Variants in TRAPPC9 observed in about 807,000 individuals in gnomAD.
The protein encoded by TRAPPC9 is trafficking protein particle complex subunit 9.
In TRAPPC9, 83 loss-of-function variants were observed where a neutral mutation model predicts 124.0. That is an observed-to-expected ratio of 0.67 (90% confidence interval 0.56 to 0.80). The LOEUF (loss-of-function observed/expected upper bound fraction) is 0.80, where lower values mean the gene tolerates loss of function less well. Among genes scored for constraint, TRAPPC9 ranks in the 30% least tolerant of loss-of-function variants. The pLI is 0.00. For synonymous variants in TRAPPC9, 638 were observed against 617.5 expected, an observed-to-expected ratio of 1.03 and a Z score of -0.49; for missense variants, 1,302 against 1,508.3, an observed-to-expected ratio of 0.86 and a Z score of 2.27.
chr8:139,948,248 A>AACACACACACACACAC (rs141771160), intron 19 of TRAPPC9, among the ~76,000 whole-genome samples: 2 of 144,620 alleles, frequency 1.4e-5, no homozygotes, highest in African/African-American at 5.3e-5. Flanking sequence ...TGGTTCATAA[A>AACACACACACACACAC]ACACACACAC....
chr8:140,021,995 A>G (rs998107004), intron 18 of TRAPPC9, among the ~76,000 whole-genome samples: 3 of 152,200 alleles, frequency 2.0e-5, no homozygotes, highest in Non-Finnish European at 4.4e-5. Context: ...CTTTACACGA[A>G]GTATGGGACT....
At chr8:139,887,504 G>A (rs532703268) in intron 20 of TRAPPC9, among the ~76,000 whole-genome samples, 8 of 152,318 alleles carry the variant, frequency 5.3e-5, no homozygotes, top group African/African-American at 9.6e-5. Context: ...GATTACAGGC[G>A]TGAGCCACAG....
rs1441500938 is a variant in TRAPPC9 at position 139,727,900 on chromosome 8, T to C, written c.*3161A>G. On this transcript the variant is annotated 3_prime_UTR_variant, in exon 23 of 23. Coordinates refer to ENST00000438773, the MANE Select transcript of TRAPPC9 (RefSeq NM_001160372.4). ...CCTGTTAAGGGTTCCAGGAGAAGAA[T>C]GGAATTTCAGGCACATGGCACAGGA... Among the ~76,000 whole-genome samples the C allele has an allele frequency of 6.6e-6, 1 of 152,000 alleles. No homozygotes were observed. Among genetic ancestry groups the C allele is most frequent in the Non-Finnish European group, 1.5e-5 (1 of 68,018 alleles).
At position 140,221,915 on chromosome 8, in the gene TRAPPC9, T is replaced by C. The variant is rs374974093; in HGVS notation, c.2432-332A>G. On this transcript the variant is annotated intron_variant, in intron 16 of 22. Coordinates refer to ENST00000438773, the MANE Select transcript of TRAPPC9 (RefSeq NM_001160372.4). ...TCAAAAACTGTGACTGTAAGGAGCA[T>C]GCCAGTTTCTGTCCTGACTATTCTA... Among the ~76,000 whole-genome samples, 30 of 152,380 alleles carry C rather than the reference T, an allele frequency of 2.0e-4. 2 individuals are homozygous for C. Among genetic ancestry groups the C allele is most frequent in the African/African-American group, 7.2e-4 (30 of 41,590 alleles).
chr8:140,323,895 TA>T (rs1000296534), intron 9 of TRAPPC9, among the ~76,000 whole-genome samples: 4 of 101,360 alleles, frequency 3.9e-5, no homozygotes, highest in African/African-American at 1.7e-4. Flanking sequence ...TTAAAAAATA[TA>T]TTTTTTTTTA....
chr8:139,943,043 G>A (rs921233926), intron 19 of TRAPPC9, among the ~76,000 whole-genome samples: 5 of 152,152 alleles, frequency 3.3e-5, no homozygotes, highest in African/African-American at 4.8e-5. Context: ...ACTGAGATTC[G>A]AGATGTCCAA....
chr8:140,357,930 G>A (rs1334085078), intron 9 of TRAPPC9, among the ~76,000 whole-genome samples: 1 of 152,138 alleles, frequency 6.6e-6, no homozygotes, highest in African/African-American at 2.4e-5. Flanking sequence ...CAGGGGCCCC[G>A]GTCAGAGCAG....
intron 17 of TRAPPC9, among the ~76,000 whole-genome samples, chr8:140,196,081 T>C (rs55955404): frequency 4.0e-5 from 6 of 149,710 alleles, no homozygotes; most frequent in South Asian, 2.1e-4. Flanking sequence ...ACACCTGTGA[T>C]ACTAAAACAC....
intron 5 of TRAPPC9, among the ~76,000 whole-genome samples, chr8:140,424,636 T>C (rs1418210419): frequency 1.5e-5 from 2 of 133,476 alleles, no homozygotes; most frequent in African/African-American, 5.7e-5. Context: ...TGAGAACCTG[T>C]CTCCAAAAAA....
At chr8:139,782,317 T>C (rs1001113563) in intron 21 of TRAPPC9, among the ~76,000 whole-genome samples, 2 of 152,090 alleles carry the variant, frequency 1.3e-5, no homozygotes, top group African/African-American at 4.8e-5. Context: ...GAAGTGGAGG[T>C]TGCAGTGAGC....
chr8:140,235,903 A>G (rs548207819), intron 16 of TRAPPC9, among the ~76,000 whole-genome samples: 17 of 152,310 alleles, frequency 1.1e-4, no homozygotes, highest in African/African-American at 3.8e-4. Context: ...ATCCAGCCAT[A>G]AAAAAGAACA....
chr8:140,011,825 C>A (rs1207950406), intron 18 of TRAPPC9, among the ~76,000 whole-genome samples: 1 of 151,726 alleles, frequency 6.6e-6, no homozygotes, highest in Non-Finnish European at 1.5e-5. Context: ...TTACAGGTGC[C>A]TGCCATCTCA....
chr8:139,881,745 T>C (rs962624214), intron 21 of TRAPPC9, among the ~76,000 whole-genome samples: 3 of 150,326 alleles, frequency 2.0e-5, no homozygotes, highest in Non-Finnish European at 4.5e-5. Context: ...AACGAGACCT[T>C]AAAACCACCT....
At chr8:140,008,955 T>C (rs1838940802) in intron 18 of TRAPPC9, among the ~76,000 whole-genome samples, 1 of 152,212 alleles carries the variant, frequency 6.6e-6, no homozygotes, top group African/African-American at 2.4e-5. Context: ...CTTGTGAATC[T>C]ATCATTGTTT....
At chr8:139,758,773 G>C (rs867236782) in intron 21 of TRAPPC9, among the ~76,000 whole-genome samples, 33 of 152,212 alleles carry the variant, frequency 2.2e-4, no homozygotes, top group African/African-American at 7.7e-4. Context: ...GAAAAGGCTG[G>C]ACAGGTAGCG....
At chr8:140,041,659 G>A (rs547919943) in intron 17 of TRAPPC9, among the ~76,000 whole-genome samples, 1 of 152,208 alleles carries the variant, frequency 6.6e-6, no homozygotes, top group African/African-American at 2.4e-5. Flanking sequence ...CCTCAACATG[G>A]CATCTAAGTC....
chr8:140,070,870 C>T (rs968794165), intron 17 of TRAPPC9, among the ~76,000 whole-genome samples: 5 of 152,184 alleles, frequency 3.3e-5, no homozygotes, highest in African/African-American at 1.2e-4. Context: ...AGCCCCTCCA[C>T]GTCTCTTACC....
intron 21 of TRAPPC9, among the ~76,000 whole-genome samples, chr8:139,858,385 T>A (rs893677119): frequency 6.6e-6 from 1 of 152,244 alleles, no homozygotes; most frequent in African/African-American, 2.4e-5. Context: ...TCCGCCCAGC[T>A]GCTGAGACCC....
intron 21 of TRAPPC9, among the ~76,000 whole-genome samples, chr8:139,756,458 A>G (rs201258430): frequency 0.2 from 5,507 of 27,782 alleles, no homozygotes; most frequent in Admixed American, 0.22. Context: ...CAGGTCGCAG[A>G]AGGAGCCAGG....
Sources: gnomAD v4.1 joint callset for allele counts (sites outside exome capture counted in the v4.1 genomes callset) on GRCh38, gnomAD v4.1.1 for gene constraint, MANE v1.5 for transcripts, NCBI Gene and HGNC (gene_info 2026-07-23, HGNC 2026-07-21) for gene names.